The following WWOX variants were observed in gnomAD, a reference collection of about 807,000 sequenced individuals.
The protein encoded by WWOX is WW domain containing oxidoreductase.
Under a neutral mutation model 46.2 loss-of-function variants are expected in WWOX, and 69 were observed. That is an observed-to-expected ratio of 1.49 (90% CI 1.23 to 1.82). The LOEUF (loss-of-function observed/expected upper bound fraction) is 1.82. Among genes scored for constraint, WWOX ranks in the 40% most tolerant of loss-of-function variants. The pLI is 0.00. For synonymous variants in WWOX, 359 were observed against 202.6 expected (o/e 1.77, Z -6.56); for missense variants, 919 against 542.6 (o/e 1.69, Z -6.89).
At chr16:78,647,711 GA>G (rs1162378378) in intron 8 of WWOX, among the ~76,000 whole-genome samples, 1 of 152,208 alleles carries the variant, frequency 6.6e-6, no homozygotes, top group Non-Finnish European at 1.5e-5. Context: ...GGGTGACTCA[GA>G]AGCTCCTGGC....
rs1217922479 is a variant in WWOX at position 79,195,437 on chromosome 16, G to C, written c.1057-16171G>C. 2.6e-5 allele frequency among the ~76,000 whole-genome samples: 4 copies of C among 152,134 alleles called. No individual in the cohort carries two copies. The South Asian group carries it at 8.3e-4, about 31-fold the overall frequency. On this transcript the variant is annotated intron_variant, in intron 8 of 8. Transcript: ENST00000566780. ...TCCTGGAGTGCGTGTTGCTTTGGTA[G>C]GGAGCTCGCTTTGGCTGTGGGCAGT...
At chr16:78,374,452 C>A (rs377288644) in intron 5 of WWOX, among the ~76,000 whole-genome samples, 2 of 150,804 alleles carry the variant, frequency 1.3e-5, no homozygotes, top group South Asian at 4.2e-4. Context: ...CTCCAAATGA[C>A]GCACAAAATT....
At chr16:78,688,092 C>T (rs1296742785) in intron 8 of WWOX, among the ~76,000 whole-genome samples, 1 of 132,988 alleles carries the variant, frequency 7.5e-6, no homozygotes, top group South Asian at 2.4e-4. Flanking sequence ...ATTCACAGAC[C>T]AGGAATGGTT....
At chr16:78,304,973 C>G (rs114385200) in intron 5 of WWOX, among the ~76,000 whole-genome samples, 1,900 of 151,060 alleles carry the variant, frequency 0.013, 42 homozygotes, top group African/African-American at 0.043. Context: ...CTTTCCTTCC[C>G]TTTTTCCTTT....
chr16:78,518,282 A>C (rs2043280166), intron 8 of WWOX, among the ~76,000 whole-genome samples: 1 of 152,114 alleles, frequency 6.6e-6, no homozygotes, highest in African/African-American at 2.4e-5. Flanking sequence ...CCCAGGCTGA[A>C]GTGCAGTGGC....
intron 8 of WWOX, among the ~76,000 whole-genome samples, chr16:78,484,326 TCA>T (rs2084575055): frequency 6.6e-6 from 1 of 152,210 alleles, no homozygotes; most frequent in Non-Finnish European, 1.5e-5. Context: ...ACCCTTTTGT[TCA>T]CAGATTTTTT....
intron 8 of WWOX, among the ~76,000 whole-genome samples, chr16:78,963,412 T>C (rs947772548): frequency 6.6e-5 from 10 of 152,152 alleles, no homozygotes; most frequent in African/African-American, 1.9e-4. Context: ...GAAGCTGCAG[T>C]GAACTGTGAC....
At chr16:79,079,194 C>G (rs75946295) in intron 8 of WWOX, among the ~76,000 whole-genome samples, 1 of 152,208 alleles carries the variant, frequency 6.6e-6, no homozygotes, top group African/African-American at 2.4e-5. Flanking sequence ...GTCACCACCA[C>G]CTTTATTTTT....
Position 78,100,029 on chromosome 16 carries a change from GTC to G in WWOX, c.107+145_107+146del, listed in dbSNP as rs1280425135. On this transcript the variant is annotated intron_variant, in intron 1 of 8. Transcript: ENST00000566780. ...CTGTTAAGGAGCTTCAGGGAAAAGGGTCCAGGGTTCCCAGTAGGGGCCGGCCC... is the reference window on the plus strand; with the variant it reads ...CTGTTAAGGAGCTTCAGGGAAAAGGGCAGGGTTCCCAGTAGGGGCCGGCCC... 2.8e-6 allele frequency: 4 copies of G among 1,450,926 alleles called. No homozygotes were observed. The Admixed American group carries it at 1.2e-4, about 45-fold the overall frequency. 89.9% of individuals were successfully genotyped at this position (1,450,926 alleles called of 1,614,324 possible).
intron 4 of WWOX, among the ~76,000 whole-genome samples, chr16:78,142,269 G>T (rs1054417067): frequency 3.9e-5 from 6 of 152,186 alleles, no homozygotes; most frequent in African/African-American, 1.4e-4. Context: ...AATAGTTACT[G>T]CCTCTGTGGA....
At chr16:78,376,804 C>A (rs781167000) in intron 5 of WWOX, among the ~76,000 whole-genome samples, 3 of 152,194 alleles carry the variant, frequency 2.0e-5, no homozygotes, top group African/African-American at 7.2e-5. Context: ...TCTGCTCACA[C>A]TGGGCTATCA....
chr16:78,810,870 T>C (rs1249334733), intron 8 of WWOX, among the ~76,000 whole-genome samples: 1 of 152,242 alleles, frequency 6.6e-6, no homozygotes, highest in Non-Finnish European at 1.5e-5. Flanking sequence ...TCAGTCATTT[T>C]GTCATAATGC....
chr16:78,729,974 C>A (rs1011451426), intron 8 of WWOX, among the ~76,000 whole-genome samples: 1 of 152,094 alleles, frequency 6.6e-6, no homozygotes, highest in Non-Finnish European at 1.5e-5. Flanking sequence ...TTTCCTCATC[C>A]CTCGAAGCTG....
chr16:78,916,964 CT>C (rs1036783988), intron 8 of WWOX, among the ~76,000 whole-genome samples: 2 of 152,168 alleles, frequency 1.3e-5, no homozygotes, highest in African/African-American at 4.8e-5. Context: ...TGGTTCCCCT[CT>C]TTTCATCCCT....
intron 5 of WWOX, among the ~76,000 whole-genome samples, chr16:78,190,323 T>TGA: frequency 6.6e-6 from 1 of 152,234 alleles, no homozygotes. Context: ...CAATCTGAGA[T>TGA]GAGAGAGAGA....
At chr16:78,258,763 G>T (rs891553204) in intron 5 of WWOX, among the ~76,000 whole-genome samples, 1 of 148,502 alleles carries the variant, frequency 6.7e-6, no homozygotes, top group Non-Finnish European at 1.5e-5. Context: ...GGCCCACATG[G>T]CTTTTCTTTA....
At chr16:78,186,802 G>A (rs1161391079) in intron 5 of WWOX, among the ~76,000 whole-genome samples, 1 of 152,146 alleles carries the variant, frequency 6.6e-6, no homozygotes, top group Non-Finnish European at 1.5e-5. Context: ...TTTAAAATAA[G>A]TTTAGATTCT....
intron 8 of WWOX, among the ~76,000 whole-genome samples, chr16:78,837,101 G>T (rs1401107150): frequency 6.6e-6 from 1 of 152,038 alleles, no homozygotes; most frequent in Non-Finnish European, 1.5e-5. Flanking sequence ...CTTAGGGAGG[G>T]GGGAGAAGAA....
intron 8 of WWOX, among the ~76,000 whole-genome samples, chr16:78,496,854 C>T (rs1399831133): frequency 6.6e-6 from 1 of 152,220 alleles, no homozygotes. Flanking sequence ...TTTTGCTGTG[C>T]CATGTGCATG....
Sources: gnomAD v4.1 joint callset for allele counts (sites outside exome capture counted in the v4.1 genomes callset) on GRCh38, gnomAD v4.1.1 for gene constraint, MANE v1.5 for transcripts, NCBI Gene and HGNC (gene_info 2026-07-23, HGNC 2026-07-21) for gene names.